BMPER: variants seen among roughly 807,000 people sequenced by gnomAD.
BMPER encodes the protein BMP-binding endothelial regulator protein.
Under a neutral mutation model 87.3 loss-of-function variants are expected in BMPER, and 45 were observed. The observed-to-expected ratio is 0.52, with a 90% confidence interval of 0.41 to 0.66. The LOEUF (loss-of-function observed/expected upper bound fraction) is 0.66, where lower values mean the gene tolerates loss of function less well. BMPER is among the 30% of genes least tolerant of loss of function. The pLI is 0.00. For missense variants in BMPER, 784 were observed against 867.5 expected (o/e 0.90, Z 1.21); for synonymous variants, 326 against 316.2 (o/e 1.03, Z -0.33).
chr7:33,920,414 C>CAT (rs1784193063), intron 2 of BMPER, among the ~76,000 whole-genome samples: 1 of 104,664 alleles, frequency 9.6e-6, no homozygotes, highest in Admixed American at 1.2e-4. Flanking sequence ...AGGGAAACTC[C>CAT]GTTGTGTTTT....
At chr7:34,016,565 G>T (rs1787032390) in intron 6 of BMPER, among the ~76,000 whole-genome samples, 1 of 151,878 alleles carries the variant, frequency 6.6e-6, no homozygotes, top group African/African-American at 2.4e-5. Flanking sequence ...GATCACACCT[G>T]CAACTTCTTT....
At chr7:34,094,213 C>T (rs1396997614) in intron 13 of BMPER, among the ~76,000 whole-genome samples, 1 of 152,222 alleles carries the variant, frequency 6.6e-6, no homozygotes, top group Non-Finnish European at 1.5e-5. Flanking sequence ...CTGCTACATG[C>T]TAGGTTCTGT....
In BMPER at chr7:34,000,410, T is replaced by A. The variant is rs1019102619; in HGVS notation, c.576+25626T>A. ...CAGTTGGGGAAATTTGAAGGTTGACTATATATTAGATGATAGTACTATATT... is the reference window on the plus strand; with the variant it reads ...CAGTTGGGGAAATTTGAAGGTTGACAATATATTAGATGATAGTACTATATT... On this transcript the variant is annotated intron_variant, in intron 6 of 14. Coordinates refer to ENST00000649409, the MANE Select transcript of BMPER (RefSeq NM_001365308.1). 2.6e-5 allele frequency among the ~76,000 whole-genome samples: 4 copies of A among 152,322 alleles called. 1 individual carries two copies. In the South Asian group the frequency reaches 8.3e-4, roughly 32 times the overall value.
At chr7:34,115,592 T>C (rs929573314) in intron 13 of BMPER, among the ~76,000 whole-genome samples, 7 of 152,242 alleles carry the variant, frequency 4.6e-5, no homozygotes, top group Non-Finnish European at 1.0e-4. Context: ...TGAAATTATA[T>C]AATATGTGGT....
intron 6 of BMPER, among the ~76,000 whole-genome samples, chr7:33,995,281 G>A (rs981473713): frequency 6.6e-6 from 1 of 152,094 alleles, no homozygotes. Context: ...AGGATAAAGA[G>A]CAAGAGGCTC....
chr7:33,940,961 A>T (rs1259848910), intron 3 of BMPER, among the ~76,000 whole-genome samples: 2 of 135,348 alleles, frequency 1.5e-5, no homozygotes, highest in Admixed American at 8.1e-5. Context: ...ATATATATTT[A>T]TATATAATAT....
chr7:33,994,523 C>T (rs1001887813), intron 6 of BMPER, among the ~76,000 whole-genome samples: 2 of 152,146 alleles, frequency 1.3e-5, no homozygotes, highest in Non-Finnish European at 2.9e-5. Context: ...CACTGTCTGG[C>T]GCTCCCTAGT....
At chr7:34,132,859 C>A (rs1790629372) in intron 13 of BMPER, among the ~76,000 whole-genome samples, 1 of 152,094 alleles carries the variant, frequency 6.6e-6, no homozygotes, top group African/African-American at 2.4e-5. Flanking sequence ...ACTTTTGGTC[C>A]CTGATGGTAT....
intron 13 of BMPER, among the ~76,000 whole-genome samples, chr7:34,090,534 G>A (rs1430517108): frequency 6.6e-6 from 1 of 152,168 alleles, no homozygotes; most frequent in Non-Finnish European, 1.5e-5. Flanking sequence ...TGTGGACTTA[G>A]GCCACAGGAT....
At chr7:34,055,429 A>T (rs1788257684) in intron 9 of BMPER, 126 bp downstream of exon 9, 12 of 1,176,642 alleles carry the variant, frequency 1.0e-5, no homozygotes, top group Non-Finnish European at 1.5e-5. Flanking sequence ...ATATGTGTGC[A>T]TATATTAATA....
chr7:34,135,558 T>C (rs1170236141), intron 13 of BMPER, among the ~76,000 whole-genome samples: 1 of 152,182 alleles, frequency 6.6e-6, no homozygotes, highest in Non-Finnish European at 1.5e-5. Flanking sequence ...TGATTCTCTG[T>C]CAGGGACTTT....
chr7:33,985,577 A>G (rs1448289771), intron 6 of BMPER, among the ~76,000 whole-genome samples: 6 of 152,190 alleles, frequency 3.9e-5, no homozygotes, highest in African/African-American at 1.4e-4. Context: ...GAAGTACTTC[A>G]AATCAATGTC....
At chr7:34,045,582 G>A (rs750228974) in intron 6 of BMPER, among the ~76,000 whole-genome samples, 1 of 152,190 alleles carries the variant, frequency 6.6e-6, no homozygotes, top group East Asian at 1.9e-4. Flanking sequence ...AGGTTTCTGA[G>A]ACTCTGCCAG....
intron 13 of BMPER, among the ~76,000 whole-genome samples, chr7:34,088,125 A>G (rs1789273232): frequency 6.6e-6 from 1 of 152,152 alleles, no homozygotes; most frequent in African/African-American, 2.4e-5. Context: ...AGCTCATGAG[A>G]ATGTTCTTGG....
chr7:34,110,869 G>C (rs1344893061), intron 13 of BMPER, among the ~76,000 whole-genome samples: 1 of 152,210 alleles, frequency 6.6e-6, no homozygotes, highest in Non-Finnish European at 1.5e-5. Context: ...AGGATTGAGA[G>C]ATTGTTGTAG....
At chr7:33,922,008 G>T in intron 2 of BMPER, 2 of 350,880 alleles carry the variant, frequency 5.7e-6, no homozygotes, top group South Asian at 2.1e-5. Context: ...TCCTCGTGCA[G>T]AATAAAGCCA....
chr7:33,976,371 T>C (rs1785688170), intron 6 of BMPER, among the ~76,000 whole-genome samples: 1 of 152,174 alleles, frequency 6.6e-6, no homozygotes, highest in South Asian at 2.1e-4. Flanking sequence ...CAGGCTGGTC[T>C]CGAACTCCTG....
At chr7:34,143,168 T>C (rs1476070403) in intron 13 of BMPER, 62 bp from the exon 14 acceptor site, 2 of 1,603,800 alleles carry the variant, frequency 1.2e-6, no homozygotes, top group Non-Finnish European at 1.7e-6. Flanking sequence ...TCTGAAGTTA[T>C]ATTTAGGGTG....
chr7:34,082,328 G>GATTT (rs1261837561), intron 12 of BMPER, among the ~76,000 whole-genome samples: 23 of 116,420 alleles, frequency 2.0e-4, no homozygotes, highest in African/African-American at 6.4e-4. Flanking sequence ...CAACTTATTA[G>GATTT]TTTTTTTTTT....
Sources: gnomAD v4.1 joint callset for allele counts (sites outside exome capture counted in the v4.1 genomes callset) on GRCh38, gnomAD v4.1.1 for gene constraint, MANE v1.5 for transcripts, NCBI Gene and HGNC (gene_info 2026-07-23, HGNC 2026-07-21) for gene names.